The following PLPP1 variants were observed in gnomAD, a reference collection of about 807,000 sequenced individuals.
PLPP1 encodes the protein lipid phosphate phosphohydrolase 1a.
PLPP1 carries 24 observed loss-of-function variants against 31.2 expected under a neutral mutation model. That is an observed-to-expected ratio of 0.77 (90% CI 0.56 to 1.08). The LOEUF (loss-of-function observed/expected upper bound fraction) is 1.08, where lower values mean the gene tolerates loss of function less well. Ranked by LOEUF, PLPP1 falls within the 50% of genes least tolerant of loss-of-function variation. The probability of loss-of-function intolerance (pLI) is 0.00; values close to 1 mark genes in which losing one functional copy is unlikely to be tolerated. For synonymous variants in PLPP1, 146 were observed against 126.3 expected (o/e 1.16, Z -1.05); for missense variants, 319 against 342.7 (o/e 0.93, Z 0.55).
At chr5:55,439,009 C>CTACTCTAGG (rs1751560581) in intron 4 of PLPP1, among the ~76,000 whole-genome samples, 4 of 152,080 alleles carry the variant, frequency 2.6e-5, no homozygotes, top group Admixed American at 2.6e-4. Context: ...TTTCCACTAC[C>CTACTCTAGG]TAGAGTCAGT....
At chr5:55,503,563 G>A (rs144665640) in intron 1 of PLPP1, among the ~76,000 whole-genome samples, 9,230 of 151,060 alleles carry the variant, frequency 0.061, 518 homozygotes, top group African/African-American at 0.13. Context: ...ATCACCTGAG[G>A]TCAGGAGCTC....
chr5:55,436,377 T>G (rs2111689690), intron 4 of PLPP1, among the ~76,000 whole-genome samples: 1 of 152,312 alleles, frequency 6.6e-6, no homozygotes, highest in East Asian at 1.9e-4. Context: ...CGAGATCTGA[T>G]GGCTTTATAA....
intron 2 of PLPP1, among the ~76,000 whole-genome samples, chr5:55,472,382 C>A (rs1453243444): frequency 6.6e-6 from 1 of 152,086 alleles, no homozygotes; most frequent in Non-Finnish European, 1.5e-5. Context: ...GCAGGTGGAT[C>A]ACGAGGTAAG....
intron 4 of PLPP1, among the ~76,000 whole-genome samples, chr5:55,439,370 C>T (rs1169345478): frequency 6.6e-6 from 1 of 152,160 alleles, no homozygotes; most frequent in African/African-American, 2.4e-5. Flanking sequence ...AGTTTCTGCA[C>T]CTCGCTTCCA....
chr5:55,427,858 T>C (rs1464079217), intron 4 of PLPP1, among the ~76,000 whole-genome samples: 1 of 152,006 alleles, frequency 6.6e-6, no homozygotes, highest in Non-Finnish European at 1.5e-5. Flanking sequence ...CGATCTCGGC[T>C]CACTGCAACC....
At chr5:55,482,356 G>C (rs894937857) in intron 1 of PLPP1, among the ~76,000 whole-genome samples, 1 of 151,764 alleles carries the variant, frequency 6.6e-6, no homozygotes, top group Non-Finnish European at 1.5e-5. Flanking sequence ...GAGTTAAGCT[G>C]AATTTTCATG....
chr5:55,528,819 T>A (rs1057403017), intron 1 of PLPP1, among the ~76,000 whole-genome samples: 1 of 152,200 alleles, frequency 6.6e-6, no homozygotes, highest in African/African-American at 2.4e-5. Flanking sequence ...AAAGAAAGCA[T>A]AAACAATGTA....
intron 3 of PLPP1, among the ~76,000 whole-genome samples, chr5:55,445,745 G>C (rs555948503): frequency 6.6e-6 from 1 of 151,504 alleles, no homozygotes; most frequent in South Asian, 2.1e-4. Context: ...GGGTTTCACC[G>C]TGTTGCCCAG....
intron 1 of PLPP1, among the ~76,000 whole-genome samples, chr5:55,480,081 T>C (rs1283920006): frequency 6.6e-6 from 1 of 152,242 alleles, no homozygotes; most frequent in Non-Finnish European, 1.5e-5. Flanking sequence ...AGATACTTGA[T>C]GTTAACTTTG....
chr5:55,461,323 GA>G (rs34844051), intron 3 of PLPP1, among the ~76,000 whole-genome samples: 8,768 of 152,004 alleles, frequency 0.058, 451 homozygotes, highest in African/African-American at 0.11. Flanking sequence ...AACTTTACAA[GA>G]AAACTACAGA....
At chr5:55,507,276 A>G (rs2111899181) in intron 1 of PLPP1, among the ~76,000 whole-genome samples, 1 of 152,346 alleles carries the variant, frequency 6.6e-6, no homozygotes, top group African/African-American at 2.4e-5. Flanking sequence ...TTTCATGTCT[A>G]GCACACACCT....
chr5:55,455,309 G>A (rs1372668629), intron 3 of PLPP1, among the ~76,000 whole-genome samples: 5 of 152,108 alleles, frequency 3.3e-5, no homozygotes, highest in Admixed American at 6.6e-5. Context: ...CAGCTAGGCC[G>A]GGCACGGCAC....
chr5:55,495,286 A>C (rs1450413509), intron 1 of PLPP1, among the ~76,000 whole-genome samples: 1 of 152,208 alleles, frequency 6.6e-6, no homozygotes, highest in Non-Finnish European at 1.5e-5. Context: ...ATCAAGACTA[A>C]AAGAAACAAA....
At chr5:55,476,509 G>C (rs1417235922) in intron 1 of PLPP1, among the ~76,000 whole-genome samples, 2 of 152,088 alleles carry the variant, frequency 1.3e-5, no homozygotes, top group Admixed American at 1.3e-4. Flanking sequence ...TTGACCTACT[G>C]ATTAATACTA....
chr5:55,433,132 AC>A (rs1368656155), intron 4 of PLPP1, among the ~76,000 whole-genome samples: 21 of 111,710 alleles, frequency 1.9e-4, no homozygotes, highest in African/African-American at 7.0e-4. Flanking sequence ...ACATGGCGAC[AC>A]CCCATCTCTA....
chr5:55,427,684 A>G (rs1751240347), intron 4 of PLPP1, among the ~76,000 whole-genome samples: 2 of 149,574 alleles, frequency 1.3e-5, no homozygotes, highest in South Asian at 4.2e-4. Context: ...ATTGAATATT[A>G]TTTTCTCCAG....
At chr5:55,473,087 A>C (rs945849354) in intron 2 of PLPP1, among the ~76,000 whole-genome samples, 2 of 152,206 alleles carry the variant, frequency 1.3e-5, no homozygotes, top group African/African-American at 4.8e-5. Context: ...TAAAAGTCCT[A>C]CTAAAAATGT....
intron 3 of PLPP1, among the ~76,000 whole-genome samples, chr5:55,445,525 T>G (rs1194575680): frequency 6.9e-6 from 1 of 145,612 alleles, no homozygotes; most frequent in Non-Finnish European, 1.5e-5. Context: ...ATCTTTATTT[T>G]GCATTCACTC....
intron 1 of PLPP1, among the ~76,000 whole-genome samples, chr5:55,491,873 A>G (rs1279247607): frequency 2.1e-5 from 3 of 143,430 alleles, no homozygotes; most frequent in Admixed American, 7.1e-5. Context: ...AAAAAAAAAA[A>G]AAAGAAAGAA....
Sources: gnomAD v4.1 joint callset for allele counts (sites outside exome capture counted in the v4.1 genomes callset) on GRCh38, gnomAD v4.1.1 for gene constraint, MANE v1.5 for transcripts, NCBI Gene and HGNC (gene_info 2026-07-23, HGNC 2026-07-21) for gene names.